Variants in SYNPR observed in about 807,000 individuals in gnomAD.
The protein encoded by SYNPR is synaptoporin.
A neutral mutation model predicts 32.9 loss-of-function variants in SYNPR; 23 were observed. That is an observed-to-expected ratio of 0.70 (90% CI 0.50 to 0.99). SYNPR has a LOEUF of 0.99. Ranked by LOEUF, SYNPR falls within the 50% of genes least tolerant of loss-of-function variation. SYNPR has a pLI of 0.00. For missense variants in SYNPR, 318 were observed against 349.3 expected (o/e 0.91, Z 0.71); for synonymous variants, 146 against 135.9 (o/e 1.07, Z -0.52).
chr3:63,576,163 G>A (rs1337118174), intron 4 of SYNPR, among the ~76,000 whole-genome samples: 1 of 152,120 alleles, frequency 6.6e-6, no homozygotes, highest in African/African-American at 2.4e-5. Context: ...CACAAGATCA[G>A]CAGCGTCCAT....
chr3:63,529,024 T>C (rs148878622), intron 3 of SYNPR, among the ~76,000 whole-genome samples: 2,176 of 152,336 alleles, frequency 0.014, 29 homozygotes, highest in Middle Eastern at 0.027. Context: ...CTATCCTCAG[T>C]CAAACTGACC....
intron 3 of SYNPR, among the ~76,000 whole-genome samples, chr3:63,550,384 C>T (rs1035651029): frequency 1.3e-5 from 2 of 151,278 alleles, no homozygotes; most frequent in African/African-American, 2.4e-5. Context: ...TGTATATACA[C>T]GTGTGTTTGT....
At chr3:63,238,812 G>A (rs1011051150) in intron 1 of SYNPR, among the ~76,000 whole-genome samples, 2 of 152,124 alleles carry the variant, frequency 1.3e-5, no homozygotes, top group African/African-American at 4.8e-5. Flanking sequence ...AAGTGAGGAT[G>A]TTATTTCATA....
intron 2 of SYNPR, among the ~76,000 whole-genome samples, chr3:63,479,805 A>G (rs1559511826): frequency 6.6e-6 from 1 of 152,220 alleles, no homozygotes; most frequent in Non-Finnish European, 1.5e-5. Context: ...GAAATTAAGC[A>G]GCTTTCCCAA....
rs368702851 is a variant in SYNPR at position 63,394,535 on chromosome 3, AT to A, written c.85-86288del. Among the ~76,000 whole-genome samples the A allele has an allele frequency of 2.1e-3, 321 of 151,508 alleles. 7 individuals are homozygous for A. In the East Asian group the frequency reaches 0.051, roughly 24 times the overall value. On this transcript the variant is annotated intron_variant, in intron 2 of 5. Transcript: ENST00000478300. ...TTAAGAATCTGGCAATTGCATCTGT[AT>A]TTTTTTTTCCTTCAAAATGGCAAAA...
intron 1 of SYNPR, among the ~76,000 whole-genome samples, chr3:63,250,030 G>C (rs942751999): frequency 1.3e-5 from 2 of 152,150 alleles, no homozygotes; most frequent in African/African-American, 4.8e-5. Flanking sequence ...GCCCAGAAGG[G>C]TAAGGAAGAG....
chr3:63,362,192 G>A lies in SYNPR; in HGVS notation c.84+83450G>A, dbSNP rs187336928. Among the ~76,000 whole-genome samples, 32 of 152,312 alleles carry A rather than the reference G, an allele frequency of 2.1e-4. No homozygotes were observed. The South Asian group carries it at 3.7e-3, about 18-fold the overall frequency. On this transcript the variant is annotated intron_variant, in intron 2 of 5. Transcript: ENST00000478300. The stretch of plus-strand genomic sequence containing the variant: ...TCACTCTGTGTCTCTGAATGTGTGC[G>A]TGAAGAAAAACTAGCCTAGCATGTG...
intron 1 of SYNPR, among the ~76,000 whole-genome samples, chr3:63,241,710 A>T (rs1004897028): frequency 2.6e-5 from 4 of 152,136 alleles, no homozygotes; most frequent in African/African-American, 9.6e-5. Flanking sequence ...AAACTCAGGC[A>T]ATAACGAGCC....
chr3:63,535,440 G>T (rs901950020), intron 3 of SYNPR, among the ~76,000 whole-genome samples: 1 of 151,914 alleles, frequency 6.6e-6, no homozygotes, highest in Non-Finnish European at 1.5e-5. Context: ...ACATACAGAA[G>T]AAAAAAGAAC....
intron 3 of SYNPR, among the ~76,000 whole-genome samples, chr3:63,502,587 T>C (rs986056045): frequency 6.6e-6 from 1 of 152,198 alleles, no homozygotes; most frequent in Non-Finnish European, 1.5e-5. Flanking sequence ...CAACCATTGA[T>C]GCTTTTTCTG....
chr3:63,569,454 C>T (rs1271006727), intron 4 of SYNPR, among the ~76,000 whole-genome samples: 1 of 152,042 alleles, frequency 6.6e-6, no homozygotes, highest in African/African-American at 2.4e-5. Context: ...CCAAAAAAGA[C>T]CTACAAAGAT....
chr3:63,585,012 G>A (rs1703158361), intron 4 of SYNPR, among the ~76,000 whole-genome samples: 1 of 152,048 alleles, frequency 6.6e-6, no homozygotes, highest in Non-Finnish European at 1.5e-5. Flanking sequence ...AAGTTGAAGA[G>A]CCCTTCTCTA....
rs9813994 is a variant in SYNPR, at chr3:63,476,313, G to A, written c.85-4519G>A. 7.7e-3 allele frequency among the ~76,000 whole-genome samples: 391 copies of A among 50,874 alleles called. 2 individuals carry two copies. The highest frequency in any genetic ancestry group is 0.049 in the East Asian group (54 of 1,106). 33.4% of individuals were successfully genotyped at this position (50,874 alleles called of 152,430 possible). On this transcript the variant is annotated intron_variant, in intron 2 of 5. Coordinates refer to ENST00000478300, the MANE Select transcript of SYNPR (RefSeq NM_001130003.2). Reference sequence around the variant, plus strand: ...GGGAAGGGAGGGAAGGAAGGGAAGGGAGGGAAGCAAGGGAAGGAAGGGAAG... The same window carrying A: ...GGGAAGGGAGGGAAGGAAGGGAAGGAAGGGAAGCAAGGGAAGGAAGGGAAG...
chr3:63,304,116 G>T (rs1280664145), intron 2 of SYNPR, among the ~76,000 whole-genome samples: 1 of 151,984 alleles, frequency 6.6e-6, no homozygotes, highest in Non-Finnish European at 1.5e-5. Flanking sequence ...TTCTGCAGCA[G>T]TGATACATTT....
At chr3:63,609,610 T>C (rs1700170448) in intron 5 of SYNPR, among the ~76,000 whole-genome samples, 1 of 152,108 alleles carries the variant, frequency 6.6e-6, no homozygotes, top group Non-Finnish European at 1.5e-5. Context: ...GAAGCAAATA[T>C]AAAATCTGAA....
At chr3:63,309,095 A>G (rs2086936185) in intron 2 of SYNPR, among the ~76,000 whole-genome samples, 1 of 151,926 alleles carries the variant, frequency 6.6e-6, no homozygotes, top group Non-Finnish European at 1.5e-5. Flanking sequence ...TTTCAAACTC[A>G]CCAATCTTTT....
intron 3 of SYNPR, among the ~76,000 whole-genome samples, chr3:63,484,362 A>C (rs1227034259): frequency 6.6e-6 from 1 of 152,132 alleles, no homozygotes; most frequent in Non-Finnish European, 1.5e-5. Context: ...TCTAGATTCC[A>C]TATTTTTGGT....
intron 4 of SYNPR, among the ~76,000 whole-genome samples, chr3:63,584,298 T>C (rs1369515132): frequency 1.3e-5 from 2 of 152,070 alleles, no homozygotes; most frequent in African/African-American, 2.4e-5. Flanking sequence ...GGAAAGCATA[T>C]GTGGAGTCAC....
At chr3:63,524,171 G>A (rs1701962358) in intron 3 of SYNPR, among the ~76,000 whole-genome samples, 1 of 151,946 alleles carries the variant, frequency 6.6e-6, no homozygotes, top group African/African-American at 2.4e-5. Context: ...ATTACTTGCT[G>A]TCAATAAAAA....
Sources: allele counts gnomAD v4.1 joint callset (sites outside exome capture counted in the v4.1 genomes callset), GRCh38; gene constraint gnomAD v4.1.1; transcripts MANE v1.5; gene names NCBI Gene and HGNC (gene_info 2026-07-23, HGNC 2026-07-21).